The following CHAT variants were observed in gnomAD, a reference collection of about 807,000 sequenced individuals.
CHAT encodes the protein acetyl CoA:choline O-acetyltransferase.
Under a neutral mutation model 76.9 loss-of-function variants are expected in CHAT, and 61 were observed. The observed-to-expected ratio is 0.79, with a 90% confidence interval of 0.65 to 0.98. CHAT has a LOEUF of 0.98. Ranked by LOEUF, CHAT falls within the 50% of genes least tolerant of loss-of-function variation. CHAT has a pLI of 0.00. For synonymous variants in CHAT, 407 were observed against 397.4 expected, an observed-to-expected ratio of 1.02 and a Z score of -0.29; for missense variants, 946 against 986.9, an observed-to-expected ratio of 0.96 and a Z score of 0.56.
At chr10:49,610,923 C>A, upstream of CHAT, 1 of 1,611,124 alleles carries the variant, frequency 6.2e-7, no homozygotes, top group East Asian at 2.2e-5. Context: ...CCGACTACAT[C>A]GCCCACATGC....
Position 49,646,769 on chromosome 10 carries a change from G to A in CHAT, c.1281+95G>A, listed in dbSNP as rs1348599765. 27 of 1,410,616 alleles carry A rather than the reference G, an allele frequency of 1.9e-5. No individual in the cohort carries two copies. The East Asian group carries it at 2.5e-4, about 13-fold the overall frequency. The allele number at this position is 1,410,616 out of a possible 1,614,324, so 87.4% of individuals were successfully genotyped here. On this transcript the variant is annotated intron_variant, in intron 8 of 14. Transcript: ENST00000337653. ...CACAGCCTGGTGCCCAGGCCCGCAC[G>A]TGCTTGTGTCTGGCAGGCGCACTCA...
intron 3 of CHAT, 130 bp downstream of exon 3, chr10:49,620,046 A>T (rs992402339): frequency 3.2e-6 from 3 of 924,528 alleles, no homozygotes; most frequent in Non-Finnish European, 4.9e-6. Context: ...GGGATGGGGG[A>T]TAGGTGTGGG....
chr10:49,664,833 T>C lies in CHAT; in HGVS notation c.2034T>C (p.Tyr678=), dbSNP rs750226582. 3.1e-6 allele frequency: 5 copies of C among 1,614,150 alleles called. No homozygotes were observed. The South Asian group carries it at 3.3e-5, about 11-fold the overall frequency. Residue 678 remains tyrosine, a synonymous_variant, in exon 15 of 15, where the codon TAT becomes TAC. Coordinates refer to ENST00000337653, the MANE Select transcript of CHAT (RefSeq NM_020549.5). ...ATGGTCCTGTGGTCCCAAATGGGTA[T>C]GGTGCCTGCTACAACCCCCAGCCAG... ...CCYGPVVPNG[Y]GACYNPQPET...
In CHAT at chr10:49,627,921, C is replaced by A. The variant is rs3810951; in HGVS notation, c.1111+136C>A. 937,759 of 1,013,204 alleles carry A rather than the reference C, an allele frequency of 0.93. 440,533 individuals are homozygous for A. Among genetic ancestry groups the A allele is most frequent in the Non-Finnish European group, 0.98 (661,415 of 676,866 alleles). 62.8% of individuals were successfully genotyped at this position (1,013,204 alleles called of 1,614,324 possible). ...AGCTCAGGGCCCACAGCATGCCCTG[C>A]GGCCAGCCACAGTGCCTTGCCACCG... On this transcript the variant is annotated intron_variant, in intron 7 of 14. Coordinates refer to ENST00000337653, the MANE Select transcript of CHAT (RefSeq NM_020549.5).
At chr10:49,611,858 T>C (rs1439881825), upstream of CHAT, 3 of 1,606,036 alleles carry the variant, frequency 1.9e-6, no homozygotes, top group African/African-American at 4.0e-5. Context: ...AGCTCGTGCA[T>C]CGTGCCCGCC....
intron 7 of CHAT, among the ~76,000 whole-genome samples, chr10:49,629,233 C>T (rs1029229955): frequency 3.9e-5 from 6 of 152,162 alleles, no homozygotes; most frequent in African/African-American, 1.4e-4. Context: ...AGTCTGGGCC[C>T]AGTTACATTT....
chr10:49,657,186 G>A (rs1840061924), intron 13 of CHAT, among the ~76,000 whole-genome samples: 1 of 152,140 alleles, frequency 6.6e-6, no homozygotes, highest in Non-Finnish European at 1.5e-5. Context: ...AGAAGGTTCA[G>A]TGTCTGGCAA....
At position 49,625,737 on chromosome 10, in the gene CHAT, C is replaced by T. The variant is rs548707798; in HGVS notation, c.933+84C>T. ...ACGTCCATTACCTTCTCCGAGGGGG[C>T]TCAGCCTCCTTCCCTGAGTCACACA... On this transcript the variant is annotated intron_variant, in intron 6 of 14. Transcript: ENST00000337653. The T allele has an allele frequency of 6.2e-5, 86 of 1,395,546 alleles. No individual in the cohort carries two copies. In the African/African-American group the frequency reaches 1.1e-3, roughly 18 times the overall value. 86.4% of individuals were successfully genotyped at this position (1,395,546 alleles called of 1,614,324 possible).
chr10:49,627,677 A>G lies in CHAT; in HGVS notation c.1003A>G (p.Lys335Glu). 6.2e-7 allele frequency: 1 copy of G among 1,614,164 alleles called. No individual in the cohort carries two copies. The highest frequency in any genetic ancestry group is 8.5e-7 in the Non-Finnish European group (1 of 1,179,988). ...GGGGGATCTGTTCACTCAGTTGAGA[A>G]AGATAGTCAAAATGGCTTCCAACGA... The part of the protein sequence containing the change: ...SEGDLFTQLR[K>E]IVKMASNEDE... Residue 335 changes from lysine (K) to glutamate (E), a missense_variant, in exon 7 of 15, where the codon AAG becomes GAG. By Grantham distance (56) the Lys-to-Glu change is moderately conservative (BLOSUM62 1). Around this residue, in one of 3 missense-constraint regions of CHAT, gnomAD observed 548 missense variants for 516.2 expected, o/e 1.06. Transcript: ENST00000337653.
intron 4 of CHAT, 56 bp from the exon 5 acceptor site, chr10:49,622,041 G>GGGCGGGAAGAGGAAGGAGATGGAAGGAA: frequency 3.8e-6 from 2 of 520,534 alleles, no homozygotes; most frequent in Non-Finnish European, 5.6e-6. Context: ...AGGGAGGGAG[G>GGGCGGGAAGAGGAAGGAGATGGAAGGAA]GAGGGAGGAA....
Position 49,629,740 on chromosome 10 carries a change from C to T in CHAT, c.1111+1955C>T, listed in dbSNP as rs547828972. Among the ~76,000 whole-genome samples the T allele has an allele frequency of 6.6e-5, 10 of 152,328 alleles. No homozygotes were observed. The South Asian group carries it at 2.1e-3, about 32-fold the overall frequency. ...AGAAAGGAGGGGACACATGCGCCTC[C>T]CCTTGGGTAATCCGATTAATCCAGT... is the stretch of plus-strand genomic sequence containing the variant. On this transcript the variant is annotated intron_variant, in intron 7 of 14. Transcript: ENST00000337653.
chr10:49,627,108 T>C (rs1460023194), intron 6 of CHAT, among the ~76,000 whole-genome samples: 1 of 152,228 alleles, frequency 6.6e-6, no homozygotes, highest in Non-Finnish European at 1.5e-5. Context: ...TACACCACAT[T>C]TCACTTAGCC....
chr10:49,655,383 C>G lies in CHAT; in HGVS notation c.1777-3C>G. ...CCGCGCTGCCTCTGTGTTCTGTTGA[C>G]AGGCTTCTGAGAAGCTTCTGCTCCT... On this transcript the variant is annotated splice_region_variant and splice_polypyrimidine_tract_variant and intron_variant, in intron 12 of 14. Coordinates refer to ENST00000337653, the MANE Select transcript of CHAT (RefSeq NM_020549.5). The G allele has an allele frequency of 6.2e-7, 1 of 1,614,140 alleles. No individual in the cohort carries two copies. Among genetic ancestry groups the G allele is most frequent in the Non-Finnish European group, 8.5e-7 (1 of 1,179,996 alleles).
intron 5 of CHAT, among the ~76,000 whole-genome samples, chr10:49,622,531 G>A (rs576167939): frequency 3.3e-5 from 5 of 152,304 alleles, no homozygotes; most frequent in East Asian, 3.9e-4. Flanking sequence ...TGTCTCCAGC[G>A]GGAGACTGTA....
chr10:49,611,937 A>T, upstream of CHAT: 1 of 1,612,478 alleles, frequency 6.2e-7, no homozygotes, highest in Non-Finnish European at 8.5e-7. Flanking sequence ...TAGTCGACAC[A>T]GCACTGCTGC....
Position 49,666,098 on chromosome 10 carries a change from G to C in CHAT, c.*1052G>C, listed in dbSNP as rs979650486. Among the ~76,000 whole-genome samples, 2 of 152,200 alleles carry C rather than the reference G, an allele frequency of 1.3e-5. No individual in the cohort carries two copies. Among genetic ancestry groups the C allele is most frequent in the Admixed American group, 6.5e-5 (1 of 15,282 alleles). On this transcript the variant is annotated 3_prime_UTR_variant, in exon 15 of 15. Coordinates refer to ENST00000337653, the MANE Select transcript of CHAT (RefSeq NM_020549.5). ...CAGCTGGGCTCCTTTATTTGGAGCA[G>C]GCTATCCAGGGACTCTGACAAAAAC...
chr10:49,664,712 A>G (rs1840298479), intron 14 of CHAT, 65 bp from the exon 15 acceptor site: 2 of 1,604,528 alleles, frequency 1.2e-6, no homozygotes, highest in Non-Finnish European at 8.5e-7. Context: ...AGAGAAGCCA[A>G]GCCCAGTCGA....
Position 49,623,199 on chromosome 10 carries a change from C to G in CHAT, c.752+1049C>G, listed in dbSNP as rs559336271. Among the ~76,000 whole-genome samples, 13 of 152,290 alleles carry G rather than the reference C, an allele frequency of 8.5e-5. No homozygotes were observed. The South Asian group carries it at 2.5e-3, about 29-fold the overall frequency. Reference sequence around the variant, plus strand: ...CCTCCCAGAACTCGCCCCTCCAGCTCACCGTCCTGTCTGTTTTCAAACACC... The same window carrying G: ...CCTCCCAGAACTCGCCCCTCCAGCTGACCGTCCTGTCTGTTTTCAAACACC... On this transcript the variant is annotated intron_variant, in intron 5 of 14. Coordinates refer to ENST00000337653, the MANE Select transcript of CHAT (RefSeq NM_020549.5).
At chr10:49,660,393 G>C (rs1840155756) in intron 13 of CHAT, among the ~76,000 whole-genome samples, 1 of 151,364 alleles carries the variant, frequency 6.6e-6, no homozygotes. Flanking sequence ...AGTGAGCTGA[G>C]ATCGCGCCAC....
Sources: allele counts gnomAD v4.1 joint callset (sites outside exome capture counted in the v4.1 genomes callset), GRCh38; gene constraint gnomAD v4.1.1; regional missense constraint gnomAD v4.1.1; transcripts MANE v1.5; gene names NCBI Gene and HGNC (gene_info 2026-07-23, HGNC 2026-07-21).